ITGBL1: variants seen among roughly 807,000 people sequenced by gnomAD.
ITGBL1 encodes integrin beta-like protein 1.
ITGBL1 carries 51 observed loss-of-function variants against 68.5 expected under a neutral mutation model. The observed-to-expected ratio is 0.74, with a 90% CI of 0.59 to 0.94. The LOEUF (loss-of-function observed/expected upper bound fraction) is 0.94, where lower values mean the gene tolerates loss of function less well. Among genes scored for constraint, ITGBL1 ranks in the 40% least tolerant of loss-of-function variants. The pLI is 0.00. For synonymous variants in ITGBL1, 209 were observed against 227.3 expected, an observed-to-expected ratio of 0.92 and a Z score of 0.72; for missense variants, 649 against 647.4, an observed-to-expected ratio of 1.00 and a Z score of -0.03.
chr13:101,453,732 T>G, intron 1 of ITGBL1, 151 bp from the exon 2 acceptor site: 1 of 406,930 alleles, frequency 2.5e-6, no homozygotes, highest in Non-Finnish European at 4.1e-6. Flanking sequence ...CAGGCAGCGC[T>G]TGGACCCCAG....
intron 7 of ITGBL1, among the ~76,000 whole-genome samples, chr13:101,605,959 T>C (rs4772401): frequency 0.14 from 20,192 of 147,166 alleles, 1,768 homozygotes; most frequent in South Asian, 0.21. Flanking sequence ...TATACACATA[T>C]ACACATATAT....
At chr13:101,521,399 T>C (rs1182274166) in intron 2 of ITGBL1, among the ~76,000 whole-genome samples, 5 of 152,104 alleles carry the variant, frequency 3.3e-5, no homozygotes, top group Admixed American at 3.3e-4. Flanking sequence ...AAAAATTACA[T>C]GGGAGGGAGG....
chr13:101,704,776 A>C (rs1020648693), intron 8 of ITGBL1, among the ~76,000 whole-genome samples: 1 of 152,226 alleles, frequency 6.6e-6, no homozygotes, highest in Non-Finnish European at 1.5e-5. Flanking sequence ...TGGCTGAGCC[A>C]ATTATCGGTC....
intron 2 of ITGBL1, among the ~76,000 whole-genome samples, chr13:101,544,273 T>C (rs9557694): frequency 0.21 from 32,052 of 152,138 alleles, 3,835 homozygotes; most frequent in East Asian, 0.45. Context: ...CTTCTAACAG[T>C]CAGGACCCTC....
intron 2 of ITGBL1, among the ~76,000 whole-genome samples, chr13:101,480,362 A>G (rs561365709): frequency 6.6e-6 from 1 of 152,172 alleles, no homozygotes; most frequent in East Asian, 1.9e-4. Context: ...GGGAATGAGT[A>G]AAGTGTACAA....
At chr13:101,609,543 C>T (rs565145826) in intron 7 of ITGBL1, among the ~76,000 whole-genome samples, 30 of 152,178 alleles carry the variant, frequency 2.0e-4, no homozygotes, top group African/African-American at 6.5e-4. Context: ...ATAGAAGAGA[C>T]GATCTCATTC....
chr13:101,492,900 C>A (rs2048801501), intron 2 of ITGBL1, among the ~76,000 whole-genome samples: 1 of 152,176 alleles, frequency 6.6e-6, no homozygotes, highest in African/African-American at 2.4e-5. Context: ...TTCCTCACTC[C>A]CTTTCCTTTT....
chr13:101,694,483 G>C (rs943316497), intron 8 of ITGBL1, among the ~76,000 whole-genome samples: 11 of 151,926 alleles, frequency 7.2e-5, no homozygotes, highest in African/African-American at 2.7e-4. Context: ...GAGTGCAGTG[G>C]TAGAAGCAGA....
chr13:101,677,628 A>T (rs1236429886), intron 7 of ITGBL1, among the ~76,000 whole-genome samples: 2 of 152,184 alleles, frequency 1.3e-5, no homozygotes, highest in Non-Finnish European at 2.9e-5. Context: ...CTTCACTTCC[A>T]TCTGGGAGGA....
Position 101,601,558 on chromosome 13 carries a change from C to T in ITGBL1, c.1015+3259C>T, listed in dbSNP as rs547618916. On this transcript the variant is annotated intron_variant, in intron 7 of 10. Coordinates refer to ENST00000376180, the MANE Select transcript of ITGBL1 (RefSeq NM_004791.3). Reference sequence around the variant, plus strand: ...GTCAATTTTAGATCTTTCCTGCTTTCTCTTGTGGGCATTTAGTGCTATAAA... The same window carrying T: ...GTCAATTTTAGATCTTTCCTGCTTTTTCTTGTGGGCATTTAGTGCTATAAA... Among the ~76,000 whole-genome samples the T allele has an allele frequency of 1.1e-4, 16 of 152,242 alleles. No individual in the cohort carries two copies. The East Asian group carries it at 2.9e-3, about 28-fold the overall frequency.
rs750140000 is a variant in ITGBL1, at chr13:101,548,508, A to T, written c.317-19191A>T. ...TAAAATGGGTGAATATTTTCTATAT[A>T]TGAAAAGAATGCATATCATAGTCTT... On this transcript the variant is annotated intron_variant, in intron 2 of 10. Transcript: ENST00000376180. 6.6e-4 allele frequency among the ~76,000 whole-genome samples: 100 copies of T among 151,970 alleles called. 1 individual carries two copies. The highest frequency in any genetic ancestry group is 2.3e-3 in the African/African-American group (96 of 41,556).
chr13:101,489,830 A>T, intron 2 of ITGBL1: 1 of 612,834 alleles, frequency 1.6e-6, no homozygotes, highest in South Asian at 2.0e-5. Flanking sequence ...TCAAACTGAT[A>T]AAATAGCATT....
At position 101,583,223 on chromosome 13, in the gene ITGBL1, T is replaced by C. The variant is rs1157498711; in HGVS notation, c.735T>C (p.Cys245=). 50 of 1,613,598 alleles carry C rather than the reference T, an allele frequency of 3.1e-5. No individual in the cohort carries two copies. Among genetic ancestry groups the C allele is most frequent in the Non-Finnish European group, 4.2e-5 (49 of 1,179,754 alleles). ...DGKICSNRGT[C]VCGECTCHDV... ...ATTCTTCTTCCCACCTAGGGACTTG[T>C]GTATGTGGTGAATGTACCTGTCACG... is the stretch of plus-strand genomic sequence containing the variant. Residue 245 remains cysteine, a synonymous_variant, in exon 6 of 11, where the codon TGT becomes TGC. Coordinates refer to ENST00000376180, the MANE Select transcript of ITGBL1 (RefSeq NM_004791.3).
chr13:101,591,851 A>AC (rs2050660966), intron 6 of ITGBL1, among the ~76,000 whole-genome samples: 2 of 152,182 alleles, frequency 1.3e-5, no homozygotes, highest in African/African-American at 4.8e-5. Context: ...GGTGATGAGT[A>AC]GCTTCATGTT....
At chr13:101,612,991 C>T (rs1026818582) in intron 7 of ITGBL1, among the ~76,000 whole-genome samples, 1 of 152,114 alleles carries the variant, frequency 6.6e-6, no homozygotes, top group Non-Finnish European at 1.5e-5. Context: ...AAGAGATGGC[C>T]ACGTGGCTGC....
intron 7 of ITGBL1, among the ~76,000 whole-genome samples, chr13:101,629,636 A>G (rs2031907967): frequency 1.3e-5 from 2 of 152,160 alleles, no homozygotes; most frequent in African/African-American, 4.8e-5. Flanking sequence ...TTTGCTTTTT[A>G]TAACTAGGTA....
At chr13:101,598,417 T>C in intron 7 of ITGBL1, 118 bp downstream of exon 7, 1 of 796,022 alleles carries the variant, frequency 1.3e-6, no homozygotes. Flanking sequence ...TTGGTTTTTT[T>C]GTTTTTTATT....
intron 7 of ITGBL1, among the ~76,000 whole-genome samples, chr13:101,607,915 T>A (rs2139359944): frequency 6.6e-6 from 1 of 152,234 alleles, no homozygotes; most frequent in Admixed American, 6.6e-5. Flanking sequence ...TCATCGTTTG[T>A]CCTTGTGTCT....
At chr13:101,486,758 T>G (rs997107931) in intron 2 of ITGBL1, among the ~76,000 whole-genome samples, 1 of 152,202 alleles carries the variant, frequency 6.6e-6, no homozygotes, top group Non-Finnish European at 1.5e-5. Context: ...TAATGCTAAT[T>G]GCTATTCTCT....
Sources: gnomAD v4.1 joint callset for allele counts (sites outside exome capture counted in the v4.1 genomes callset) on GRCh38, gnomAD v4.1.1 for gene constraint, MANE v1.5 for transcripts, NCBI Gene and HGNC (gene_info 2026-07-23, HGNC 2026-07-21) for gene names.